The following SELENOI variants were observed in gnomAD, a reference collection of about 807,000 sequenced individuals.
The protein encoded by SELENOI is selenoprotein I.
A neutral mutation model predicts 50.7 loss-of-function variants in SELENOI; 24 were observed. That is an observed-to-expected ratio of 0.47 (90% CI 0.34 to 0.67). The LOEUF (loss-of-function observed/expected upper bound fraction) is 0.67. SELENOI is among the 30% of genes least tolerant of loss of function. The pLI, the probability that SELENOI is intolerant of heterozygous loss-of-function variation, is 0.01. For synonymous variants in SELENOI, 155 were observed against 170.2 expected, an observed-to-expected ratio of 0.91 and a Z score of 0.70; for missense variants, 352 against 461.4, an observed-to-expected ratio of 0.76 and a Z score of 2.17.
intron 6 of SELENOI, among the ~76,000 whole-genome samples, chr2:26,378,948 A>G (rs1159880753): frequency 6.6e-6 from 1 of 152,198 alleles, no homozygotes; most frequent in Non-Finnish European, 1.5e-5. Flanking sequence ...CCGAGTACCT[A>G]TACATTGCCT....
Position 26,385,002 on chromosome 2 carries a change from G to A in SELENOI, c.775G>A (p.Ala259Thr). The A allele has an allele frequency of 2.5e-6, 4 of 1,612,360 alleles. No individual in the cohort carries two copies. The highest frequency in any genetic ancestry group is 3.4e-6 in the Non-Finnish European group (4 of 1,179,388). The change falls in exon 8 of 10, where the codon GCT becomes ACT. Residue 259 changes from alanine to threonine, a missense_variant. Transcript: ENST00000260585. Reference sequence around the variant, plus strand: ...CTTGAAACTCAATTCAGTCTATGAAGCTATGGTTCCCTTATTTTCTCCATG... The same window carrying A: ...CTTGAAACTCAATTCAGTCTATGAAACTATGGTTCCCTTATTTTCTCCATG... ...NTLKLNSVYE[A>T]MVPLFSPCLL... is the part of the protein sequence containing the mutation.
At chr2:26,379,094 G>T (rs1253208090) in intron 6 of SELENOI, among the ~76,000 whole-genome samples, 1 of 152,078 alleles carries the variant, frequency 6.6e-6, no homozygotes, top group Non-Finnish European at 1.5e-5. Flanking sequence ...GGCCAATGTG[G>T]TCTCTACTAA....
At chr2:26,374,994 C>G (rs764015404) in intron 5 of SELENOI, 46 bp from the exon 6 acceptor site, 8 of 1,320,160 alleles carry the variant, frequency 6.1e-6, no homozygotes, top group Middle Eastern at 3.7e-4. Context: ...CCTGATCTTT[C>G]TAGCGTTAAT....
rs534845429 is a variant in SELENOI, at chr2:26,349,726, T to G, written c.57+3437T>G. Among the ~76,000 whole-genome samples, 6 of 150,846 alleles carry G rather than the reference T, an allele frequency of 4.0e-5. No individual in the cohort carries two copies. In the South Asian group the frequency reaches 1.3e-3, roughly 32 times the overall value. On this transcript the variant is annotated intron_variant, in intron 1 of 9. Coordinates refer to ENST00000260585, the MANE Select transcript of SELENOI (RefSeq NM_033505.4). ...CTCATCATTTGGGAAGGCAAAGTTT[T>G]AATTGATAGTGTAGCAGCTACTTTG...
At position 26,373,564 on chromosome 2, in the gene SELENOI, T is replaced by C; in HGVS notation, c.508T>C (p.Ser170Pro). The change falls in exon 5 of 10, where the codon TCC (serine) becomes CCC (proline). Residue 170 changes from serine to proline, a missense_variant. By Grantham distance (74) the Ser-to-Pro change is moderately conservative. Transcript: ENST00000260585. ...LWVVLFSFIL[S>P]HWEKYNTGIL... ...GGTAGTTTTGTTTTCTTTCATCCTG[T>C]CCCACTGGGAAAAGTATAACACAGG... The C allele has an allele frequency of 6.2e-7, 1 of 1,613,932 alleles. No individual in the cohort carries two copies. The highest frequency in any genetic ancestry group is 1.1e-5 in the South Asian group (1 of 91,060).
intron 4 of SELENOI, among the ~76,000 whole-genome samples, chr2:26,367,805 C>T (rs577206737): frequency 2.6e-5 from 4 of 152,172 alleles, no homozygotes; most frequent in Non-Finnish European, 4.4e-5. Flanking sequence ...CTGTGCTAGA[C>T]CATGCTGTCT....
chr2:26,390,509 T>C lies in SELENOI; in HGVS notation c.*1406T>C, dbSNP rs1390626160. The C allele has an allele frequency of 6.6e-6, 1 of 152,658 alleles. No individual in the cohort carries two copies. The highest frequency in any genetic ancestry group is 1.9e-4 in the East Asian group (1 of 5,198). 9.5% of individuals were successfully genotyped at this position (152,658 alleles called of 1,614,324 possible). On this transcript the variant is annotated 3_prime_UTR_variant, in exon 10 of 10. Coordinates refer to ENST00000260585, the MANE Select transcript of SELENOI (RefSeq NM_033505.4). ...ATGTGACCATTGTTAAATTTAATTA[T>C]AGTGTATTTCTTTCTTGAATTTCAG...
intron 3 of SELENOI, among the ~76,000 whole-genome samples, chr2:26,365,255 C>A (rs1462180655): frequency 6.6e-6 from 1 of 152,172 alleles, no homozygotes; most frequent in Non-Finnish European, 1.5e-5. Context: ...AGAAAAATCC[C>A]CTTTCTTCTG....
chr2:26,364,324 C>T lies in SELENOI; in HGVS notation c.80C>T (p.Pro27Leu). ...KYKYSAVDTNPLSLYVMHPFW... is the reference protein window; with the variant it reads ...KYKYSAVDTNLLSLYVMHPFW... The stretch of plus-strand genomic sequence containing the variant: ...CAGTACAGTGCTGTGGATACCAATC[C>T]ACTTTCTCTGTATGTCATGCATCCA... Residue 27 changes from proline to leucine, a missense_variant, in exon 2 of 10, where the codon CCA becomes CTA. Coordinates refer to ENST00000260585, the MANE Select transcript of SELENOI (RefSeq NM_033505.4). The T allele has an allele frequency of 6.4e-7, 1 of 1,559,684 alleles. No individual in the cohort carries two copies. The highest frequency in any genetic ancestry group is 8.7e-7 in the Non-Finnish European group (1 of 1,149,104).
chr2:26,384,977 C>A lies in SELENOI; in HGVS notation c.750C>A (p.Thr250=), dbSNP rs776863143. ...LNFFRSYKNN[T]LKLNSVYEAM... is the part of the protein sequence containing the mutation. The stretch of plus-strand genomic sequence containing the variant: ...TTTCCAGAAGCTATAAAAATAACAC[C>A]TTGAAACTCAATTCAGTCTATGAAG... Residue 250 remains threonine (T), a synonymous_variant, in exon 8 of 10, where the codon ACC becomes ACA. Transcript: ENST00000260585. The A allele has an allele frequency of 5.0e-6, 8 of 1,603,720 alleles. No homozygotes were observed. The African/African-American group carries it at 8.1e-5, about 16-fold the overall frequency.
At chr2:26,351,789 A>C (rs1329418200) in intron 1 of SELENOI, among the ~76,000 whole-genome samples, 1 of 152,176 alleles carries the variant, frequency 6.6e-6, no homozygotes, top group Non-Finnish European at 1.5e-5. Flanking sequence ...GGTCTTTAGC[A>C]AATTCCTGGC....
intron 4 of SELENOI, among the ~76,000 whole-genome samples, chr2:26,370,919 G>A (rs62128664): frequency 1.1e-4 from 9 of 80,158 alleles, no homozygotes; most frequent in East Asian, 3.4e-4. Flanking sequence ...GCGGCTGGCC[G>A]GGCGGGGGGC....
At chr2:26,363,404 A>G (rs1265316468) in intron 1 of SELENOI, among the ~76,000 whole-genome samples, 2 of 152,196 alleles carry the variant, frequency 1.3e-5, no homozygotes, top group Admixed American at 1.3e-4. Flanking sequence ...AGAGGGATGA[A>G]GGAGGTTGAG....
intron 7 of SELENOI, among the ~76,000 whole-genome samples, chr2:26,384,378 T>C (rs1572337562): frequency 6.6e-6 from 1 of 152,196 alleles, no homozygotes; most frequent in East Asian, 1.9e-4. Flanking sequence ...GGGCAACATA[T>C]TGCCCGAGGT....
intron 4 of SELENOI, 148 bp from the exon 5 acceptor site, chr2:26,373,219 T>G (rs1364807888): frequency 2.0e-6 from 2 of 984,032 alleles, no homozygotes; most frequent in East Asian, 5.2e-5. Flanking sequence ...AATTAAATAA[T>G]TAGATTTTTA....
At chr2:26,355,637 CTCCGACTTGTTAGA>C (rs1677047610) in intron 1 of SELENOI, among the ~76,000 whole-genome samples, 1 of 152,034 alleles carries the variant, frequency 6.6e-6, no homozygotes, top group African/African-American at 2.4e-5. Context: ...ACCCTCCTCT[CTCCGACTTGTTAGA>C]TGTAAACGAC....
intron 1 of SELENOI, among the ~76,000 whole-genome samples, chr2:26,350,726 G>A (rs1676938967): frequency 6.6e-6 from 1 of 152,220 alleles, no homozygotes; most frequent in Non-Finnish European, 1.5e-5. Context: ...GAAGAGGAGA[G>A]GAGGCAGCTT....
chr2:26,359,790 G>GT (rs1181324252), intron 1 of SELENOI, among the ~76,000 whole-genome samples: 1 of 152,180 alleles, frequency 6.6e-6, no homozygotes, highest in Non-Finnish European at 1.5e-5. Flanking sequence ...GAGTTGGTGA[G>GT]TTTTTTTGTT....
intron 1 of SELENOI, among the ~76,000 whole-genome samples, chr2:26,361,104 C>T (rs1677167185): frequency 6.6e-6 from 1 of 152,198 alleles, no homozygotes; most frequent in Non-Finnish European, 1.5e-5. Context: ...GTCCTAGCTA[C>T]TCAGGAGGCT....
Sources: allele counts gnomAD v4.1 joint callset (sites outside exome capture counted in the v4.1 genomes callset), GRCh38; gene constraint gnomAD v4.1.1; transcripts MANE v1.5; gene names NCBI Gene and HGNC (gene_info 2026-07-23, HGNC 2026-07-21).